Variants in FNIP1 observed in about 807,000 individuals in gnomAD.
FNIP1 encodes folliculin interacting protein 1, also known as folliculin-interacting protein 1.
FNIP1 carries 40 observed loss-of-function variants against 124.5 expected under a neutral mutation model. The observed-to-expected ratio is 0.32, with a 90% CI of 0.25 to 0.42. The LOEUF is 0.42. FNIP1 is among the 10% of genes least tolerant of loss of function. The probability of loss-of-function intolerance (pLI) is 1.00; values close to 1 mark genes in which losing one functional copy is unlikely to be tolerated. For synonymous variants in FNIP1, 472 were observed against 470.6 expected (o/e 1.00, Z -0.04); for missense variants, 1,176 against 1,403.7 (o/e 0.84, Z 2.59).
At chr5:131,770,581 G>A (rs187423783) in intron 1 of FNIP1, among the ~76,000 whole-genome samples, 2 of 152,220 alleles carry the variant, frequency 1.3e-5, no homozygotes, top group Admixed American at 1.3e-4. Context: ...CACCCAACAT[G>A]CCAAAAACAG....
At position 131,647,157 on chromosome 5, in the gene FNIP1, T is replaced by A. The variant is rs1444755412; in HGVS notation, c.3355A>T (p.Lys1119Ter). ...DRLQELYFKS[K>*]MLSEYLRGQM... ...CCCCTCAGGTATTCAGACAGCATTT[T>A]ACTTTTGAAGTATAGCTCCTGCAAC... The change falls in exon 17 of 18, where the codon AAA becomes TAA. Residue 1119 changes from lysine to a stop codon, truncating the protein, a stop_gained. Coordinates refer to ENST00000510461, the MANE Select transcript of FNIP1 (RefSeq NM_133372.3). LOFTEE classifies it high-confidence loss of function. 6.2e-7 allele frequency: 1 copy of A among 1,614,170 alleles called. No individual in the cohort carries two copies. The highest frequency in any genetic ancestry group is 1.7e-5 in the Admixed American group (1 of 60,024).
chr5:131,693,014 AT>A (rs1318205272), intron 11 of FNIP1, among the ~76,000 whole-genome samples: 23 of 151,606 alleles, frequency 1.5e-4, no homozygotes, highest in African/African-American at 5.3e-4. Context: ...TAAAAAAAAA[AT>A]AAATTTAAAA....
chr5:131,691,764 A>G (rs889174289), intron 11 of FNIP1, among the ~76,000 whole-genome samples: 7 of 152,234 alleles, frequency 4.6e-5, no homozygotes, highest in African/African-American at 7.2e-5. Context: ...CAAAACTCAC[A>G]TAAGGAGAAA....
chr5:131,706,659 G>T, intron 8 of FNIP1, 113 bp from the exon 9 acceptor site: 2 of 1,119,696 alleles, frequency 1.8e-6, no homozygotes, highest in Non-Finnish European at 2.4e-6. Context: ...TGCTTCATGA[G>T]CCTCAAAAAT....
At chr5:131,646,860 G>A (rs748076217) in intron 17 of FNIP1, among the ~76,000 whole-genome samples, 3 of 152,176 alleles carry the variant, frequency 2.0e-5, no homozygotes, top group Non-Finnish European at 4.4e-5. Context: ...TTAATTCACT[G>A]TGATTATATT....
intron 1 of FNIP1, among the ~76,000 whole-genome samples, chr5:131,761,099 TTTTAC>T (rs1405717147): frequency 6.6e-6 from 1 of 152,192 alleles, no homozygotes; most frequent in Non-Finnish European, 1.5e-5. Context: ...TCTGAATAGA[TTTTAC>T]TTTAAAGAAA....
intron 1 of FNIP1, among the ~76,000 whole-genome samples, chr5:131,769,871 C>A (rs536717448): frequency 1.4e-4 from 21 of 152,288 alleles, no homozygotes; most frequent in African/African-American, 5.1e-4. Context: ...GAAAATCAAT[C>A]TAAGTATTCT....
At chr5:131,762,210 A>G (rs1771254173) in intron 1 of FNIP1, among the ~76,000 whole-genome samples, 1 of 152,172 alleles carries the variant, frequency 6.6e-6, no homozygotes, top group Non-Finnish European at 1.5e-5. Flanking sequence ...AGATATTCTG[A>G]GAAACACAGG....
intron 1 of FNIP1, among the ~76,000 whole-genome samples, chr5:131,748,696 CA>C (rs56395331): frequency 1.2e-4 from 12 of 99,912 alleles, no homozygotes; most frequent in Non-Finnish European, 7.7e-5. Context: ...GACTCTGTCT[CA>C]AAAAAAAAAA....
intron 1 of FNIP1, among the ~76,000 whole-genome samples, chr5:131,776,098 T>C (rs1445535539): frequency 6.6e-6 from 1 of 152,208 alleles, no homozygotes; most frequent in East Asian, 1.9e-4. Context: ...GGCAGCATCT[T>C]TGTATCCAGA....
intron 1 of FNIP1, among the ~76,000 whole-genome samples, chr5:131,785,146 CAT>C (rs1554100742): frequency 7.0e-5 from 1 of 14,254 alleles, no homozygotes; most frequent in South Asian, 3.0e-3. Flanking sequence ...TATATATAGT[CAT>C]ATATATGATA....
intron 2 of FNIP1, among the ~76,000 whole-genome samples, chr5:131,736,625 G>A (rs1219668818): frequency 1.3e-5 from 2 of 152,186 alleles, no homozygotes; most frequent in African/African-American, 4.8e-5. Flanking sequence ...GATCCTCATA[G>A]GAGTTCGAAT....
chr5:131,691,786 G>A (rs373324922), intron 11 of FNIP1, among the ~76,000 whole-genome samples: 295 of 152,242 alleles, frequency 1.9e-3, no homozygotes, highest in African/African-American at 6.7e-3. Context: ...AGATTAACTT[G>A]AATAGCCTAT....
chr5:131,653,176 A>T (rs556787968), intron 15 of FNIP1, among the ~76,000 whole-genome samples: 1 of 152,172 alleles, frequency 6.6e-6, no homozygotes, highest in African/African-American at 2.4e-5. Context: ...GTATGAATAC[A>T]GCAGTTAAAA....
intron 1 of FNIP1, among the ~76,000 whole-genome samples, chr5:131,756,546 T>C (rs1771057773): frequency 6.6e-5 from 10 of 152,066 alleles, no homozygotes; most frequent in Admixed American, 6.6e-4. Flanking sequence ...TCAGAGAGAA[T>C]TTTTGGATTA....
intron 15 of FNIP1, among the ~76,000 whole-genome samples, chr5:131,657,019 CTTT>C (rs71000999): frequency 1.1e-5 from 1 of 89,622 alleles, no homozygotes. Context: ...CCACCCATGC[CTTT>C]TTTTTTTTTT....
chr5:131,758,883 G>A (rs1124044), intron 1 of FNIP1, among the ~76,000 whole-genome samples: 119,134 of 151,906 alleles, frequency 0.78, 46,952 homozygotes, highest in African/African-American at 0.83. Flanking sequence ...TTGGTGGGGA[G>A]GGGAAGAGAA....
intron 3 of FNIP1, among the ~76,000 whole-genome samples, chr5:131,728,922 CT>C: frequency 6.6e-6 from 1 of 152,010 alleles, no homozygotes; most frequent in Non-Finnish European, 1.5e-5. Context: ...GTTAGTTTTC[CT>C]TCTACCAGTC....
At chr5:131,796,518 T>G in intron 1 of FNIP1, 2 of 398,618 alleles carry the variant, frequency 5.0e-6, no homozygotes, top group Non-Finnish European at 9.1e-6. Context: ...GGAAGGCGTG[T>G]GGACCCAAAG....
Sources: gnomAD v4.1 joint callset for allele counts (sites outside exome capture counted in the v4.1 genomes callset) on GRCh38, gnomAD v4.1.1 for gene constraint, MANE v1.5 for transcripts, NCBI Gene and HGNC (gene_info 2026-07-23, HGNC 2026-07-21) for gene names.